The following SGCD variants were observed in gnomAD, a reference collection of about 807,000 sequenced individuals.
SGCD encodes delta-sarcoglycan.
A neutral mutation model predicts 36.6 loss-of-function variants in SGCD; 18 were observed. The ratio of observed to expected loss-of-function variants is 0.49; its 90% confidence interval spans 0.34 to 0.73. The LOEUF is 0.73. SGCD is among the 30% of genes least tolerant of loss of function. SGCD has a pLI of 0.01. For synonymous variants in SGCD, 133 were observed against 130.6 expected, an observed-to-expected ratio of 1.02 and a Z score of -0.12; for missense variants, 387 against 346.7, an observed-to-expected ratio of 1.12 and a Z score of -0.92.
intron 3 of SGCD, among the ~76,000 whole-genome samples, chr5:156,204,456 T>C (rs184665578): frequency 7.0e-6 from 1 of 142,286 alleles, no homozygotes; most frequent in East Asian, 2.1e-4. Flanking sequence ...GTTTAACTAG[T>C]TTAGCCAACA....
At chr5:156,758,879 A>G (rs746280893) in intron 8 of SGCD, among the ~76,000 whole-genome samples, 13 of 152,212 alleles carry the variant, frequency 8.5e-5, no homozygotes, top group African/African-American at 3.1e-4. Flanking sequence ...GCACACAGTC[A>G]TAGTAGGATC....
At chr5:156,176,140 T>C (rs891767645) in intron 3 of SGCD, among the ~76,000 whole-genome samples, 1 of 151,694 alleles carries the variant, frequency 6.6e-6, no homozygotes, top group Admixed American at 6.6e-5. Flanking sequence ...TGTGTGTTTG[T>C]GTGTGTGTGT....
intron 6 of SGCD, among the ~76,000 whole-genome samples, chr5:156,644,703 T>C (rs1431608536): frequency 6.6e-6 from 1 of 152,162 alleles, no homozygotes; most frequent in African/African-American, 2.4e-5. Context: ...GTTAACAGTT[T>C]AACTCTGATG....
intron 7 of SGCD, among the ~76,000 whole-genome samples, chr5:156,676,903 G>A (rs1410835491): frequency 6.6e-6 from 1 of 152,188 alleles, no homozygotes; most frequent in Non-Finnish European, 1.5e-5. Flanking sequence ...AGACAGATGT[G>A]GTCCCTGCCC....
chr5:156,622,564 G>A (rs1197431502), intron 6 of SGCD, among the ~76,000 whole-genome samples: 1 of 151,068 alleles, frequency 6.6e-6, no homozygotes, highest in Non-Finnish European at 1.5e-5. Context: ...AAAAAGAAAA[G>A]CATTGCAAAT....
chr5:156,314,816 T>C (rs1377580859), intron 3 of SGCD, among the ~76,000 whole-genome samples: 1 of 152,058 alleles, frequency 6.6e-6, no homozygotes, highest in East Asian at 1.9e-4. Flanking sequence ...TCAGCAGTTA[T>C]ACAGGAGGCA....
At chr5:156,075,182 G>A (rs1760735107) in intron 1 of SGCD, among the ~76,000 whole-genome samples, 1 of 147,768 alleles carries the variant, frequency 6.8e-6, no homozygotes, top group African/African-American at 2.5e-5. Flanking sequence ...CTTCCATGTA[G>A]TCAAATTTAC....
intron 4 of SGCD, among the ~76,000 whole-genome samples, chr5:156,545,219 C>T (rs988176433): frequency 1.3e-5 from 2 of 152,126 alleles, no homozygotes; most frequent in African/African-American, 4.8e-5. Context: ...AGTTATACCA[C>T]CCCACAACCA....
intron 7 of SGCD, among the ~76,000 whole-genome samples, chr5:156,755,635 C>T (rs532594378): frequency 6.6e-6 from 1 of 152,252 alleles, no homozygotes; most frequent in African/African-American, 2.4e-5. Flanking sequence ...TGAGATGAAC[C>T]ACAATAATGG....
chr5:155,832,304 T>C, the SGCD span, among the ~76,000 whole-genome samples: 1 of 152,194 alleles, frequency 6.6e-6, no homozygotes, highest in Non-Finnish European at 1.5e-5. Context: ...CTGAGATGAA[T>C]GATCCACTCC....
In SGCD at chr5:156,069,555, C is replaced by T. The variant is rs576844524; in HGVS notation, c.-281-48323C>T. Among the ~76,000 whole-genome samples the T allele has an allele frequency of 3.4e-4, 52 of 151,808 alleles. No homozygotes were observed. The East Asian group carries it at 4.3e-3, about 12-fold the overall frequency. ...TGTAGAATAGTTTGAAGTCAGGTAG[C>T]GTGATGCCTCCAGCTTTGTTCTTTT... On this transcript the variant is annotated intron_variant, in intron 1 of 9. Transcript: ENST00000517913.
At chr5:156,421,845 C>A (rs1364923992) in intron 3 of SGCD, among the ~76,000 whole-genome samples, 1 of 151,906 alleles carries the variant, frequency 6.6e-6, no homozygotes, top group East Asian at 1.9e-4. Flanking sequence ...GTCCTAATAC[C>A]CAATCTGTGA....
At chr5:156,138,933 T>C (rs1762517311) in intron 3 of SGCD, among the ~76,000 whole-genome samples, 1 of 152,264 alleles carries the variant, frequency 6.6e-6, no homozygotes, top group Admixed American at 6.5e-5. Context: ...TGTTGGCTAA[T>C]AATGTTAAGT....
chr5:156,014,072 T>C (rs1178000111), intron 1 of SGCD, among the ~76,000 whole-genome samples: 1 of 152,124 alleles, frequency 6.6e-6, no homozygotes, highest in Non-Finnish European at 1.5e-5. Flanking sequence ...GGGATGAAAA[T>C]TCTAGCTTTA....
At chr5:156,415,719 T>A (rs1368073700) in intron 3 of SGCD, among the ~76,000 whole-genome samples, 1 of 152,182 alleles carries the variant, frequency 6.6e-6, no homozygotes, top group Admixed American at 6.5e-5. Flanking sequence ...CAATGGCCTG[T>A]CCTCTGCTTG....
At chr5:156,288,723 T>C (rs1766680579) in intron 3 of SGCD, among the ~76,000 whole-genome samples, 1 of 152,160 alleles carries the variant, frequency 6.6e-6, no homozygotes, top group African/African-American at 2.4e-5. Context: ...CAATTTTTTT[T>C]TCCTGACATT....
chr5:156,295,449 T>G (rs772410995), intron 3 of SGCD, among the ~76,000 whole-genome samples: 51 of 152,170 alleles, frequency 3.4e-4, no homozygotes, highest in Admixed American at 1.1e-3. Flanking sequence ...TTTTCTCTAT[T>G]TCATTTTTTC....
At chr5:156,093,729 T>G (rs1761305363) in intron 1 of SGCD, among the ~76,000 whole-genome samples, 2 of 152,220 alleles carry the variant, frequency 1.3e-5, no homozygotes, top group African/African-American at 4.8e-5. Flanking sequence ...CTTATTTGCC[T>G]TCTCCATTAC....
intron 3 of SGCD, among the ~76,000 whole-genome samples, chr5:156,441,053 T>C (rs1219484693): frequency 6.6e-6 from 1 of 152,150 alleles, no homozygotes; most frequent in African/African-American, 2.4e-5. Context: ...CTTACAGCTA[T>C]TAGATCCTTA....
Sources: gnomAD v4.1 joint callset for allele counts (sites outside exome capture counted in the v4.1 genomes callset) on GRCh38, gnomAD v4.1.1 for gene constraint, MANE v1.5 for transcripts, NCBI Gene and HGNC (gene_info 2026-07-23, HGNC 2026-07-21) for gene names.